MTHFD1: variants seen among roughly 807,000 people sequenced by gnomAD.
MTHFD1 encodes the protein methylenetetrahydrofolate dehydrogenase, cyclohydrolase and formyltetrahydrofolate synthetase 1.
MTHFD1 carries 44 observed loss-of-function variants against 110.3 expected under a neutral mutation model. That is an observed-to-expected ratio of 0.40 (90% CI 0.31 to 0.51). The LOEUF (loss-of-function observed/expected upper bound fraction) is 0.51, where lower values mean the gene tolerates loss of function less well. Ranked by LOEUF, MTHFD1 falls within the 20% of genes least tolerant of loss-of-function variation. The probability of loss-of-function intolerance (pLI) is 0.60; values close to 1 mark genes in which losing one functional copy is unlikely to be tolerated. For missense variants in MTHFD1, 909 were observed against 1,173.1 expected (o/e 0.77, Z 3.29); for synonymous variants, 402 against 428.8 (o/e 0.94, Z 0.77).
intron 27 of MTHFD1, 143 bp from the exon 28 acceptor site, chr14:64,459,616 G>T: frequency 1.5e-6 from 1 of 669,780 alleles, no homozygotes; most frequent in South Asian, 2.0e-5. Flanking sequence ...TTATGGACAC[G>T]CCCTAGAAGA....
At chr14:64,447,616 C>T (rs2078303144) in intron 22 of MTHFD1, among the ~76,000 whole-genome samples, 1 of 152,048 alleles carries the variant, frequency 6.6e-6, no homozygotes, top group Non-Finnish European at 1.5e-5. Context: ...AGCCACTGGC[C>T]TGATTCCTAA....
chr14:64,447,211 A>C (rs1248932518), intron 22 of MTHFD1, among the ~76,000 whole-genome samples: 1 of 127,362 alleles, frequency 7.9e-6, no homozygotes, highest in Non-Finnish European at 1.6e-5. Flanking sequence ...GCTGGAGTGC[A>C]GTGGTGCAAT....
At chr14:64,389,964 G>A (rs1003408752) in intron 1 of MTHFD1, among the ~76,000 whole-genome samples, 1 of 152,186 alleles carries the variant, frequency 6.6e-6, no homozygotes. Flanking sequence ...CTGAGAATAG[G>A]TGCTCACTGA....
At chr14:64,440,067 A>T in intron 17 of MTHFD1, 59 bp from the exon 18 acceptor site, 7 of 1,546,600 alleles carry the variant, frequency 4.5e-6, no homozygotes, top group Non-Finnish European at 6.2e-6. Flanking sequence ...TCACTTTTGC[A>T]ATTCACACTT....
chr14:64,436,939 C>CT (rs2078210490), intron 16 of MTHFD1, among the ~76,000 whole-genome samples: 1 of 152,126 alleles, frequency 6.6e-6, no homozygotes, highest in African/African-American at 2.4e-5. Context: ...AAACCTGATA[C>CT]TTTTTTCTTT....
chr14:64,392,507 C>T lies in MTHFD1; in HGVS notation c.41+4039C>T, dbSNP rs113832955. Among the ~76,000 whole-genome samples, 97 of 152,264 alleles carry T rather than the reference C, an allele frequency of 6.4e-4. No individual in the cohort carries two copies. The Middle Eastern group carries it at 0.01, about 16-fold the overall frequency. Reference sequence around the variant, plus strand: ...TTGGTGGCATTTTTCTTGATTAAGTCTCCTTTCTAAAGAGACTGGTTGTGA... The same window carrying T: ...TTGGTGGCATTTTTCTTGATTAAGTTTCCTTTCTAAAGAGACTGGTTGTGA... On this transcript the variant is annotated intron_variant, in intron 1 of 27. Transcript: ENST00000652337.
At chr14:64,447,220 A>G (rs567696564) in intron 22 of MTHFD1, among the ~76,000 whole-genome samples, 3 of 131,956 alleles carry the variant, frequency 2.3e-5, no homozygotes, top group Admixed American at 1.8e-4. Flanking sequence ...CAGTGGTGCA[A>G]TTTCAACTCA....
At chr14:64,427,057 T>G (rs2078124315) in intron 11 of MTHFD1, among the ~76,000 whole-genome samples, 1 of 151,874 alleles carries the variant, frequency 6.6e-6, no homozygotes, top group South Asian at 2.1e-4. Flanking sequence ...GTCTTTTCTT[T>G]CTTTTTTTTT....
At chr14:64,392,459 T>G (rs1237044502) in intron 1 of MTHFD1, among the ~76,000 whole-genome samples, 1 of 152,204 alleles carries the variant, frequency 6.6e-6, no homozygotes, top group Non-Finnish European at 1.5e-5. Context: ...CTTAGTTTGC[T>G]ATAATTAAGC....
chr14:64,429,096 A>T (rs1246630105), intron 12 of MTHFD1, among the ~76,000 whole-genome samples: 1 of 150,530 alleles, frequency 6.6e-6, no homozygotes, highest in Non-Finnish European at 1.5e-5. Context: ...TGGGAGGGTG[A>T]GGTGGTAGAT....
intron 12 of MTHFD1, among the ~76,000 whole-genome samples, chr14:64,428,600 C>A (rs1391001957): frequency 6.9e-6 from 1 of 144,682 alleles, no homozygotes; most frequent in African/African-American, 2.6e-5. Context: ...GTTGCCTGGG[C>A]TGGAGTACAG....
rs201052672 is a variant in MTHFD1 at position 64,397,809 on chromosome 14, ATATTT to A, written c.42-2973_42-2969del. 7.0e-3 allele frequency among the ~76,000 whole-genome samples: 1,069 copies of A among 152,150 alleles called. 13 individuals carry two copies. Among genetic ancestry groups the A allele is most frequent in the African/African-American group, 0.022 (931 of 41,512 alleles). On this transcript the variant is annotated intron_variant, in intron 1 of 27. Transcript: ENST00000652337. ...TAGCTTCTGTTGAAATGTCCATGTT[ATATTT>A]TATTTTATTTACTCATTTTTCTATA...
chr14:64,456,742 T>C (rs2078481136), intron 26 of MTHFD1, among the ~76,000 whole-genome samples: 1 of 152,224 alleles, frequency 6.6e-6, no homozygotes, highest in African/African-American at 2.4e-5. Context: ...ATAAACCAGT[T>C]GTCAGATCCC....
intron 1 of MTHFD1, among the ~76,000 whole-genome samples, chr14:64,392,209 G>C (rs1370092649): frequency 1.3e-5 from 2 of 152,320 alleles, no homozygotes; most frequent in East Asian, 3.9e-4. Flanking sequence ...GCTTTGGGGG[G>C]TCAATGGCAA....
intron 15 of MTHFD1, 102 bp from the exon 16 acceptor site, chr14:64,435,467 C>T: frequency 1.3e-6 from 1 of 775,490 alleles, no homozygotes; most frequent in South Asian, 1.4e-5. Context: ...TTTGCATTTC[C>T]TAGAGGGGAT....
intron 4 of MTHFD1, among the ~76,000 whole-genome samples, chr14:64,414,198 G>C (rs1356370081): frequency 1.3e-5 from 2 of 151,146 alleles, no homozygotes; most frequent in Non-Finnish European, 2.9e-5. Context: ...GCCCAGGCTG[G>C]TCTCAAACTA....
At chr14:64,442,434 G>T in intron 21 of MTHFD1, 32 bp downstream of exon 21, 2 of 1,610,344 alleles carry the variant, frequency 1.2e-6, no homozygotes, top group Non-Finnish European at 1.7e-6. Context: ...CTGATTATCG[G>T]CAGTGTGCTG....
At chr14:64,413,328 G>A (rs1456109259) in intron 4 of MTHFD1, among the ~76,000 whole-genome samples, 1 of 152,004 alleles carries the variant, frequency 6.6e-6, no homozygotes, top group Non-Finnish European at 1.5e-5. Flanking sequence ...CTCCAACCTG[G>A]GAAAAAAGAG....
rs1004621937 is a variant in MTHFD1, at chr14:64,441,321, T to A, written c.1816-64T>A. On this transcript the variant is annotated intron_variant, in intron 18 of 27. Coordinates refer to ENST00000652337, the MANE Select transcript of MTHFD1 (RefSeq NM_005956.4). Reference sequence around the variant, plus strand: ...ATGGGTAAGCCTAGAATGTCAAATATTGGTTTCAGAAGGTTGGGTTTTTTT... The same window carrying A: ...ATGGGTAAGCCTAGAATGTCAAATAATGGTTTCAGAAGGTTGGGTTTTTTT... 2.1e-6 allele frequency: 3 copies of A among 1,453,434 alleles called. No individual in the cohort carries two copies. The East Asian group carries it at 6.8e-5, about 33-fold the overall frequency. The allele number at this position is 1,453,434 out of a possible 1,614,324, so 90.0% of individuals were successfully genotyped here.
Sources: gnomAD v4.1 joint callset for allele counts (sites outside exome capture counted in the v4.1 genomes callset) on GRCh38, gnomAD v4.1.1 for gene constraint, MANE v1.5 for transcripts, NCBI Gene and HGNC (gene_info 2026-07-23, HGNC 2026-07-21) for gene names.